TSPAN33: variants seen among roughly 807,000 people sequenced by gnomAD.
TSPAN33 encodes tetraspanin 33.
A neutral mutation model predicts 34.8 loss-of-function variants in TSPAN33; 27 were observed. That is an observed-to-expected ratio of 0.78 (90% CI 0.57 to 1.07). The LOEUF is 1.07. Among genes scored for constraint, TSPAN33 ranks in the 50% least tolerant of loss-of-function variants. TSPAN33 has a pLI of 0.00. For synonymous variants in TSPAN33, 119 were observed against 124.2 expected (o/e 0.96, Z 0.28); for missense variants, 272 against 324.9 (o/e 0.84, Z 1.25).
chr7:129,159,334 C>T (rs982081146), intron 1 of TSPAN33, among the ~76,000 whole-genome samples: 5 of 152,220 alleles, frequency 3.3e-5, no homozygotes, highest in African/African-American at 1.2e-4. Context: ...GGATTATAGG[C>T]GTGAGCCACC....
In TSPAN33 at chr7:129,161,744, G is replaced by C. The variant is rs1486800750; in HGVS notation, c.160+8G>C. 5 of 1,614,074 alleles carry C rather than the reference G, an allele frequency of 3.1e-6. No individual in the cohort carries two copies. The highest frequency in any genetic ancestry group is 4.2e-6 in the Non-Finnish European group (5 of 1,179,984). ...GGCTAATGAAGCATGCAGGTGAGCT[G>C]TAGCTCTCCCTCCCTGCCCCCACCT... On this transcript the variant is annotated splice_region_variant and intron_variant, in intron 2 of 7. Transcript: ENST00000486685.
rs1368517638 is a variant in TSPAN33, at chr7:129,169,160, G to A, written c.*1286G>A. Among the ~76,000 whole-genome samples the A allele has an allele frequency of 6.6e-6, 1 of 152,212 alleles. No homozygotes were observed. The highest frequency in any genetic ancestry group is 2.4e-5 in the African/African-American group (1 of 41,462). ...GGGACATGAGCACTCCGCTGGGGCCGGGACGGGGAATGAGGAGGAAGAAGG... is the reference window on the plus strand; with the variant it reads ...GGGACATGAGCACTCCGCTGGGGCCAGGACGGGGAATGAGGAGGAAGAAGG... On this transcript the variant is annotated 3_prime_UTR_variant, in exon 8 of 8. Coordinates refer to ENST00000486685, the MANE Select transcript of TSPAN33 (RefSeq NM_178562.5).
chr7:129,163,856 G>A (rs1793093506), intron 4 of TSPAN33, among the ~76,000 whole-genome samples: 1 of 152,088 alleles, frequency 6.6e-6, no homozygotes, highest in African/African-American at 2.4e-5. Flanking sequence ...CACAAGAATT[G>A]CTTGAACCCA....
Position 129,167,048 on chromosome 7 carries a change from C to A in TSPAN33, c.588+142C>A. 2 of 975,092 alleles carry A rather than the reference C, an allele frequency of 2.1e-6. No individual in the cohort carries two copies. The highest frequency in any genetic ancestry group is 1.5e-6 in the Non-Finnish European group (1 of 652,278). The allele number at this position is 975,092 out of a possible 1,614,324, so 60.4% of individuals were successfully genotyped here. ...AGCTGTCAGGTGTTTTTCTTCACCC[C>A]AACCTGATGCTTCTATTAACCTCAT... On this transcript the variant is annotated intron_variant, in intron 6 of 7. Coordinates refer to ENST00000486685, the MANE Select transcript of TSPAN33 (RefSeq NM_178562.5). This position sits in a 1 kb window ranked among gnomAD's most constrained non-coding sequence, Gnocchi z 4.6.
chr7:129,161,673 C>G lies in TSPAN33; in HGVS notation c.103-6C>G. 1 of 1,614,132 alleles carries G rather than the reference C, an allele frequency of 6.2e-7. No individual in the cohort carries two copies. Among genetic ancestry groups the G allele is most frequent in the South Asian group, 1.1e-5 (1 of 91,070 alleles). On this transcript the variant is annotated splice_polypyrimidine_tract_variant and splice_region_variant and intron_variant, in intron 1 of 7. Coordinates refer to ENST00000486685, the MANE Select transcript of TSPAN33 (RefSeq NM_178562.5). ...TCAGGGTCTGGCTCTTTTCCTGTCT[C>G]CACAGGTGATTTCCATGGTGATGGT...
chr7:129,159,880 G>A (rs942360271), intron 1 of TSPAN33, among the ~76,000 whole-genome samples: 3 of 152,162 alleles, frequency 2.0e-5, no homozygotes, highest in Admixed American at 1.3e-4. Context: ...ATGTGAGGTG[G>A]GAAGAGACCG....
Position 129,165,736 on chromosome 7 carries a change from CCTGTTTCCACCA to C in TSPAN33, c.460-1041_460-1030del, listed in dbSNP as rs1218588581. 6.6e-6 allele frequency among the ~76,000 whole-genome samples: 1 copy of C among 151,976 alleles called. No homozygotes were observed. Among genetic ancestry groups the C allele is most frequent in the Non-Finnish European group, 1.5e-5 (1 of 68,004 alleles). Reference sequence around the variant, plus strand: ...ACTAGCCTGGCCAACATGATGAAACCCTGTTTCCACCAAAAATACAAAAATTAGCCGGGTTTG... The same window carrying C: ...ACTAGCCTGGCCAACATGATGAAACCAAAATACAAAAATTAGCCGGGTTTG... On this transcript the variant is annotated intron_variant, in intron 5 of 7. Coordinates refer to ENST00000486685, the MANE Select transcript of TSPAN33 (RefSeq NM_178562.5). This position sits in a 1 kb window ranked among gnomAD's most constrained non-coding sequence, Gnocchi z 4.5.
chr7:129,161,102 C>T (rs995698460), intron 1 of TSPAN33, among the ~76,000 whole-genome samples: 2 of 152,222 alleles, frequency 1.3e-5, no homozygotes, highest in Non-Finnish European at 2.9e-5. Flanking sequence ...GAGACGGGGC[C>T]TCACTCTGGC....
At chr7:129,146,538 G>A (rs892630366) in intron 1 of TSPAN33, among the ~76,000 whole-genome samples, 1 of 152,188 alleles carries the variant, frequency 6.6e-6, no homozygotes. Flanking sequence ...CAGTGCCGCT[G>A]GGGGAAGTCC....
chr7:129,147,793 T>C lies in TSPAN33; in HGVS notation c.102+2711T>C, dbSNP rs556246991. Among the ~76,000 whole-genome samples, 137 of 152,292 alleles carry C rather than the reference T, an allele frequency of 9.0e-4. No individual in the cohort carries two copies. The South Asian group carries it at 0.015, about 16-fold the overall frequency. On this transcript the variant is annotated intron_variant, in intron 1 of 7. Coordinates refer to ENST00000486685, the MANE Select transcript of TSPAN33 (RefSeq NM_178562.5). ...GGGCTCTGAATAGTGGTGCTGGTGG[T>C]GATGGTGGCTACGTCTGCTGTTGCT...
Position 129,163,188 on chromosome 7 carries a change from G to A in TSPAN33, c.363+281G>A, listed in dbSNP as rs59198549. On this transcript the variant is annotated intron_variant, in intron 4 of 7. Coordinates refer to ENST00000486685, the MANE Select transcript of TSPAN33 (RefSeq NM_178562.5). ...TAACTTAGAAACTTTAATAGCAAAT[G>A]ACAGAATCAAACTCAATAATCAAGT... Among the ~76,000 whole-genome samples, 163 of 152,260 alleles carry A rather than the reference G, an allele frequency of 1.1e-3. 4 individuals are homozygous for A. In the East Asian group the frequency reaches 0.031, roughly 29 times the overall value.
Position 129,144,844 on chromosome 7 carries a change from C to T in TSPAN33, c.-137C>T, listed in dbSNP as rs1810493731. On this transcript the variant is annotated 5_prime_UTR_variant, in exon 1 of 8. Coordinates refer to ENST00000486685, the MANE Select transcript of TSPAN33 (RefSeq NM_178562.5). ...CCCGGCCCCCCGGCTCGGGCGCCTC[C>T]CGCCGCAGCGCAGGCTCCCCCGCCG... 1 of 149,850 alleles carries T rather than the reference C, an allele frequency of 6.7e-6. No individual in the cohort carries two copies. Among genetic ancestry groups the T allele is most frequent in the African/African-American group, 2.4e-5 (1 of 41,148 alleles). The allele number at this position is 149,850 out of a possible 1,614,324, so 9.3% of individuals were successfully genotyped here.
At position 129,167,570 on chromosome 7, in the gene TSPAN33, C is replaced by T. The variant is rs1346949120; in HGVS notation, c.750+10C>T. 3 of 1,612,310 alleles carry T rather than the reference C, an allele frequency of 1.9e-6. No homozygotes were observed. The highest frequency in any genetic ancestry group is 2.5e-6 in the Non-Finnish European group (3 of 1,178,860). ...CCTGGCCATCCCCCAGGTAACTTAC[C>T]CTGTGAGACTTGTTGGTCCCACACA... On this transcript the variant is annotated intron_variant, in intron 7 of 7. Coordinates refer to ENST00000486685, the MANE Select transcript of TSPAN33 (RefSeq NM_178562.5). This position sits in a 1 kb window ranked among gnomAD's most constrained non-coding sequence, Gnocchi z 4.6.
chr7:129,150,368 T>G (rs1287781158), intron 1 of TSPAN33, among the ~76,000 whole-genome samples: 2 of 152,136 alleles, frequency 1.3e-5, no homozygotes, highest in Non-Finnish European at 2.9e-5. Flanking sequence ...GCAATCTTCC[T>G]TCCCCTGCCT....
chr7:129,160,799 G>A (rs1190953719), intron 1 of TSPAN33, among the ~76,000 whole-genome samples: 2 of 152,152 alleles, frequency 1.3e-5, no homozygotes, highest in African/African-American at 4.8e-5. Context: ...CCTGCTTTAG[G>A]TATAAAACCT....
chr7:129,167,767 T>C lies in TSPAN33; in HGVS notation c.751-6T>C, dbSNP rs753173552. 2.5e-6 allele frequency: 4 copies of C among 1,614,036 alleles called. No individual in the cohort carries two copies. The highest frequency in any genetic ancestry group is 3.4e-6 in the Non-Finnish European group (4 of 1,179,952). ...TGAGTGCCCAATTCCTTCTTGCCTC[T>C]CCCAGCTGGTGGGAATTCTGCTGTC... is the stretch of plus-strand genomic sequence containing the variant. On this transcript the variant is annotated splice_polypyrimidine_tract_variant and splice_region_variant and intron_variant, in intron 7 of 7. Coordinates refer to ENST00000486685, the MANE Select transcript of TSPAN33 (RefSeq NM_178562.5). The surrounding 1 kb of genome is among the most constrained non-coding windows in gnomAD (Gnocchi z 4.6).
At chr7:129,152,934 T>C (rs1051654591) in intron 1 of TSPAN33, among the ~76,000 whole-genome samples, 1 of 150,902 alleles carries the variant, frequency 6.6e-6, no homozygotes, top group African/African-American at 2.4e-5. Flanking sequence ...GGCACATACC[T>C]GTAACCCCAG....
chr7:129,160,646 G>A lies in TSPAN33; in HGVS notation c.103-1033G>A, dbSNP rs1428338210. On this transcript the variant is annotated intron_variant, in intron 1 of 7. Coordinates refer to ENST00000486685, the MANE Select transcript of TSPAN33 (RefSeq NM_178562.5). ...TGGAATCAGAGTTTGTGAAGATAAAGGTTCCTTTGCCAAGGCAGTTCCAGT... is the reference window on the plus strand; with the variant it reads ...TGGAATCAGAGTTTGTGAAGATAAAAGTTCCTTTGCCAAGGCAGTTCCAGT... Among the ~76,000 whole-genome samples the A allele has an allele frequency of 3.3e-5, 5 of 152,352 alleles. No homozygotes were observed. In the South Asian group the frequency reaches 6.2e-4, roughly 19 times the overall value.
At chr7:129,162,066 C>T (rs1193624518) in intron 2 of TSPAN33, among the ~76,000 whole-genome samples, 3 of 152,254 alleles carry the variant, frequency 2.0e-5, no homozygotes, top group Non-Finnish European at 2.9e-5. Flanking sequence ...ATTCCTATTT[C>T]ACCACACAAG....
Sources: gnomAD v4.1 joint callset for allele counts (sites outside exome capture counted in the v4.1 genomes callset) on GRCh38, gnomAD v4.1.1 for gene constraint, Gnocchi (gnomAD v3.1) non-coding constraint, MANE v1.5 for transcripts, NCBI Gene and HGNC (gene_info 2026-07-23, HGNC 2026-07-21) for gene names.